The following AADACL3 variants were observed in gnomAD, a reference collection of about 807,000 sequenced individuals.
AADACL3 encodes arylacetamide deacetylase like 3.
A neutral mutation model predicts 13.6 loss-of-function variants in AADACL3; 13 were observed. The ratio of observed to expected loss-of-function variants is 0.95; its 90% CI spans 0.62 to 1.52. AADACL3 has a LOEUF of 1.52. AADACL3 is among the 40% of genes most tolerant of loss of function. The pLI is 0.00. For missense variants in AADACL3, 519 were observed against 499.2 expected, an observed-to-expected ratio of 1.04 and a Z score of -0.38; for synonymous variants, 195 against 197.0, an observed-to-expected ratio of 0.99 and a Z score of 0.08.
chr1:12,725,588 T>A lies in AADACL3; in HGVS notation c.816T>A (p.His272Gln). 6.2e-7 allele frequency: 1 copy of A among 1,614,080 alleles called. No homozygotes were observed. Among genetic ancestry groups the A allele is most frequent in the African/African-American group, 1.3e-5 (1 of 75,008 alleles). ...AAGAGGTCATCATGAAAGGTGCCCA[T>A]TTGCCTGCTGAAGTCTGGGAAAAGT... ...SWQEVIMKGAHLPAEVWEKYR... is the reference protein window; with the variant it reads ...SWQEVIMKGAQLPAEVWEKYR... Residue 272 changes from histidine to glutamine, a missense_variant, in exon 4 of 4, where the codon CAT (histidine) becomes CAA (glutamine). By Grantham distance (24) the His-to-Gln change is conservative. Coordinates refer to ENST00000359318, the MANE Select transcript of AADACL3 (RefSeq NM_001103170.3).
chr1:12,726,037 T>C lies in AADACL3; in HGVS notation c.*41T>C. ...GCTGGTACTGCGGTGTGGATTCCACTGGCATCCAGCCTCCCACAGGGCTCT... is the reference window on the plus strand; with the variant it reads ...GCTGGTACTGCGGTGTGGATTCCACCGGCATCCAGCCTCCCACAGGGCTCT... On this transcript the variant is annotated 3_prime_UTR_variant, in exon 4 of 4. Coordinates refer to ENST00000359318, the MANE Select transcript of AADACL3 (RefSeq NM_001103170.3). 1.3e-6 allele frequency: 2 copies of C among 1,563,552 alleles called. No homozygotes were observed. Among genetic ancestry groups the C allele is most frequent in the Non-Finnish European group, 1.7e-6 (2 of 1,154,706 alleles).
In AADACL3 at chr1:12,725,662, G is replaced by A. The variant is rs898454309; in HGVS notation, c.890G>A (p.Arg297Lys). ...PENIPERFKE[R>K]GYQLKPHEPM... ...AACATCCCTGAGAGGTTTAAGGAGA[G>A]GGGTTACCAACTGAAGCCCCATGAG... The change falls in exon 4 of 4, where the codon AGG becomes AAG. Residue 297 changes from arginine to lysine, a missense_variant. Arg to Lys is a conservative substitution (Grantham distance 26, BLOSUM62 2). Transcript: ENST00000359318. 1.2e-6 allele frequency: 2 copies of A among 1,613,990 alleles called. No homozygotes were observed. The highest frequency in any genetic ancestry group is 2.7e-5 in the African/African-American group (2 of 74,886).
chr1:12,719,935 T>C (rs1648531896), intron 2 of AADACL3, among the ~76,000 whole-genome samples: 1 of 152,342 alleles, frequency 6.6e-6, no homozygotes, highest in African/African-American at 2.4e-5. Flanking sequence ...GGAAGGATAC[T>C]GTAAGGTAAA....
Position 12,725,505 on chromosome 1 carries a change from A to T in AADACL3, c.733A>T (p.Thr245Ser). The change falls in exon 4 of 4, where the codon ACC becomes TCC. Residue 245 changes from threonine to serine, a missense_variant. Coordinates refer to ENST00000359318, the MANE Select transcript of AADACL3 (RefSeq NM_001103170.3). Reference protein sequence around the residue: ...FQQRKNIPLLTWSFICYFFFQ... With the variant: ...FQQRKNIPLLSWSFICYFFFQ... ...ACAGAGGAAAAACATCCCACTGCTC[A>T]CCTGGAGTTTCATCTGCTACTTTTT... 6.2e-7 allele frequency: 1 copy of T among 1,613,930 alleles called. No individual in the cohort carries two copies.
rs1638359943 is a variant in AADACL3 at position 12,725,815 on chromosome 1, C to A, written c.1043C>A (p.Ala348Asp). The A allele has an allele frequency of 6.2e-7, 1 of 1,614,046 alleles. No individual in the cohort carries two copies. Among genetic ancestry groups the A allele is most frequent in the Non-Finnish European group, 8.5e-7 (1 of 1,180,030 alleles). The change falls in exon 4 of 4, where the codon GCT becomes GAT. Residue 348 changes from alanine to aspartate, a missense_variant. By Grantham distance (126) the Ala-to-Asp change is moderately radical (BLOSUM62 -2). Coordinates refer to ENST00000359318, the MANE Select transcript of AADACL3 (RefSeq NM_001103170.3). ...ETCIVSCEYD[A>D]LRDNSLLYKK... is the part of the protein sequence containing the mutation. ...TGCATCGTGAGCTGTGAGTATGATG[C>A]TCTCCGGGACAATTCACTGTTGTAC...
rs1638387207 is a variant in AADACL3, at chr1:12,727,263, G to C, written c.*1267G>C. 6.6e-6 allele frequency: 1 copy of C among 152,230 alleles called. No homozygotes were observed. Among genetic ancestry groups the C allele is most frequent in the Admixed American group, 6.5e-5 (1 of 15,284 alleles). The allele number at this position is 152,230 out of a possible 1,614,324, so 9.4% of individuals were successfully genotyped here. A position where few individuals can be genotyped will look rare whatever the true frequency, so the allele number is the denominator to read the frequency against. On this transcript the variant is annotated 3_prime_UTR_variant, in exon 4 of 4. Transcript: ENST00000359318. The stretch of plus-strand genomic sequence containing the variant: ...CCAAGTCCTATGCCATCCTGAGAGT[G>C]GGGGGTGGAGTCAATTCACCTTGGT...
Position 12,728,637 on chromosome 1 carries a change from T to C in AADACL3, c.*2641T>C, listed in dbSNP as rs913590884. 5 of 152,286 alleles carry C rather than the reference T, an allele frequency of 3.3e-5. No individual in the cohort carries two copies. The highest frequency in any genetic ancestry group is 6.5e-5 in the Admixed American group (1 of 15,274). The allele number at this position is 152,286 out of a possible 1,614,324, so 9.4% of individuals were successfully genotyped here. ...TGTGTATGTTACATTCATGGGAATG[T>C]CTAAATTGTCGTAATCTTTTTGCTG... is the stretch of plus-strand genomic sequence containing the variant. On this transcript the variant is annotated 3_prime_UTR_variant, in exon 4 of 4. Coordinates refer to ENST00000359318, the MANE Select transcript of AADACL3 (RefSeq NM_001103170.3).
intron 1 of AADACL3, among the ~76,000 whole-genome samples, chr1:12,717,159 C>T (rs1648455335): frequency 6.6e-6 from 1 of 152,016 alleles, no homozygotes; most frequent in Non-Finnish European, 1.5e-5. Context: ...CAAGAGACAC[C>T]CTAGGTGTGT....
intron 3 of AADACL3, 30 bp downstream of exon 3, chr1:12,720,976 G>C: frequency 2.6e-6 from 4 of 1,519,726 alleles, no homozygotes; most frequent in Non-Finnish European, 3.6e-6. Context: ...CAGGGAGCCA[G>C]CAAGGAGCAA....
chr1:12,719,758 G>T (rs1333476885), intron 2 of AADACL3, 67 bp downstream of exon 2: 1 of 1,439,502 alleles, frequency 6.9e-7, no homozygotes, highest in Non-Finnish European at 9.7e-7. Flanking sequence ...GGAAGAATGG[G>T]CATCTTCCTG....
chr1:12,716,830 C>G (rs186392851), intron 1 of AADACL3, among the ~76,000 whole-genome samples: 2 of 152,340 alleles, frequency 1.3e-5, no homozygotes, highest in African/African-American at 4.8e-5. Context: ...TGGGCCCCCA[C>G]TGCTATCTAC....
rs142179474 is a variant in AADACL3 at position 12,716,137 on chromosome 1, C to T, written c.-40C>T. ...ACCATGTCCTAAATGGTTTACACTG[C>T]GCACAGCTTCCTCTCAGCCCGCTCT... On this transcript the variant is annotated 5_prime_UTR_variant, in exon 1 of 4. Transcript: ENST00000359318. The T allele has an allele frequency of 3.0e-3, 2,015 of 667,170 alleles. 12 individuals carry two copies. Among genetic ancestry groups the T allele is most frequent in the African/African-American group, 0.013 (743 of 56,560 alleles). The allele number at this position is 667,170 out of a possible 1,614,324, so 41.3% of individuals were successfully genotyped here. A position where few individuals can be genotyped will look rare whatever the true frequency, so the allele number is the denominator to read the frequency against.
In AADACL3 at chr1:12,716,168, G is replaced by A; in HGVS notation, c.-9G>A. The A allele has an allele frequency of 2.5e-6, 2 of 795,874 alleles. No homozygotes were observed. The highest frequency in any genetic ancestry group is 4.4e-6 in the Non-Finnish European group (2 of 459,066). 49.3% of individuals were successfully genotyped at this position (795,874 alleles called of 1,614,324 possible). On this transcript the variant is annotated 5_prime_UTR_variant, in exon 1 of 4. Coordinates refer to ENST00000359318, the MANE Select transcript of AADACL3 (RefSeq NM_001103170.3). ...GCTTCCTCTCAGCCCGCTCTGAGCT[G>A]GAAGCAGCATGTGGGACCTGGCCCT...
chr1:12,723,687 C>G (rs1638309620), intron 3 of AADACL3, among the ~76,000 whole-genome samples: 1 of 152,104 alleles, frequency 6.6e-6, no homozygotes, highest in South Asian at 2.1e-4. Context: ...CCTTGTTGCC[C>G]AGGCTGGTTT....
chr1:12,724,721 A>T (rs1327208818), intron 3 of AADACL3, among the ~76,000 whole-genome samples: 1 of 152,142 alleles, frequency 6.6e-6, no homozygotes, highest in Non-Finnish European at 1.5e-5. Context: ...CTTGGACTCA[A>T]TGGATCGGCC....
At chr1:12,723,188 G>A (rs929022413) in intron 3 of AADACL3, among the ~76,000 whole-genome samples, 5 of 151,950 alleles carry the variant, frequency 3.3e-5, no homozygotes, top group Admixed American at 2.6e-4. Flanking sequence ...TCTAAATAAA[G>A]AAAAACACCT....
chr1:12,716,876 G>T (rs1264580539), intron 1 of AADACL3, among the ~76,000 whole-genome samples: 2 of 152,148 alleles, frequency 1.3e-5, no homozygotes, highest in African/African-American at 4.8e-5. Flanking sequence ...AAAGTAAAAG[G>T]GTAGCGGATG....
Position 12,716,276 on chromosome 1 carries a change from C to T in AADACL3, c.100C>T (p.Pro34Ser). The T allele has an allele frequency of 1.2e-6, 2 of 1,606,164 alleles. No individual in the cohort carries two copies. Among genetic ancestry groups the T allele is most frequent in the Non-Finnish European group, 1.7e-6 (2 of 1,172,794 alleles). ...ICSHFFTVHI[P>S]AAVGHPVKLR... ...CAGCCATTTTTTCACTGTGCACATCCCTGCAGCGGTTGGCCACCCTGTGAA... is the reference window on the plus strand; with the variant it reads ...CAGCCATTTTTTCACTGTGCACATCTCTGCAGCGGTTGGCCACCCTGTGAA... The change falls in exon 1 of 4, where the codon CCT becomes TCT. Residue 34 changes from proline (P) to serine (S), a missense_variant. Physicochemically the swap from Pro to Ser is moderately conservative, Grantham distance 74. Transcript: ENST00000359318.
At chr1:12,723,062 A>T (rs1417216321) in intron 3 of AADACL3, among the ~76,000 whole-genome samples, 1 of 152,096 alleles carries the variant, frequency 6.6e-6, no homozygotes, top group Non-Finnish European at 1.5e-5. Context: ...AGTAGAGACG[A>T]GGTCTTGCCA....
Sources: gnomAD v4.1 joint callset for allele counts (sites outside exome capture counted in the v4.1 genomes callset) on GRCh38, gnomAD v4.1.1 for gene constraint, MANE v1.5 for transcripts, NCBI Gene and HGNC (gene_info 2026-07-23, HGNC 2026-07-21) for gene names.